The following DIAPH3 variants were observed in gnomAD, a reference collection of about 807,000 sequenced individuals.
DIAPH3 encodes protein diaphanous homolog 3.
DIAPH3 carries 117 observed loss-of-function variants against 144.3 expected under a neutral mutation model. The ratio of observed to expected loss-of-function variants is 0.81; its 90% CI spans 0.70 to 0.95. The LOEUF (loss-of-function observed/expected upper bound fraction) is 0.95. DIAPH3 is among the 40% of genes least tolerant of loss of function. The probability of loss-of-function intolerance (pLI) is 0.00; values close to 1 mark genes in which losing one functional copy is unlikely to be tolerated. For synonymous variants in DIAPH3, 519 were observed against 488.9 expected, an observed-to-expected ratio of 1.06 and a Z score of -0.81; for missense variants, 1,421 against 1,412.7, an observed-to-expected ratio of 1.01 and a Z score of -0.09.
At chr13:60,129,790 C>A (rs1239445748) in intron 2 of DIAPH3, among the ~76,000 whole-genome samples, 1 of 152,162 alleles carries the variant, frequency 6.6e-6, no homozygotes, top group Non-Finnish European at 1.5e-5. Flanking sequence ...TTGGCAAATG[C>A]TGCCCTGAGC....
In DIAPH3 at chr13:59,729,810, A is replaced by ATTTTTTTTTTTTTTTTTTTTTTTTTTT. The variant is rs59987412; in HGVS notation, c.3319+44378_3319+44379insAAAAAAAAAAAAAAAAAAAAAAAAAAA. Reference sequence around the variant, plus strand: ...TGTGACTTCCGGTGAATACATTAATATTTTTTTTTTTTTTTTTTTGAGATA... The same window carrying ATTTTTTTTTTTTTTTTTTTTTTTTTTT: ...TGTGACTTCCGGTGAATACATTAATATTTTTTTTTTTTTTTTTTTTTTTTTTTTTTTTTTTTTTTTTTTTTTGAGATA... On this transcript the variant is annotated intron_variant, in intron 27 of 27. Coordinates refer to ENST00000400324, the MANE Select transcript of DIAPH3 (RefSeq NM_001042517.2). Among the ~76,000 whole-genome samples, 57 of 134,206 alleles carry ATTTTTTTTTTTTTTTTTTTTTTTTTTT rather than the reference A, an allele frequency of 4.2e-4. 2 individuals are homozygous for ATTTTTTTTTTTTTTTTTTTTTTTTTTT. Among genetic ancestry groups the ATTTTTTTTTTTTTTTTTTTTTTTTTTT allele is most frequent in the African/African-American group, 1.7e-3 (55 of 32,604 alleles). 88.0% of individuals were successfully genotyped at this position (134,206 alleles called of 152,430 possible). A position where few individuals can be genotyped will look rare whatever the true frequency, so the allele number is the denominator to read the frequency against.
intron 7 of DIAPH3, among the ~76,000 whole-genome samples, chr13:60,011,270 C>T (rs1318914783): frequency 6.6e-6 from 1 of 152,028 alleles, no homozygotes; most frequent in Non-Finnish European, 1.5e-5. Flanking sequence ...CAGTCAGAAA[C>T]ATGGGATTTG....
chr13:60,091,993 T>G (rs774282698), intron 4 of DIAPH3, among the ~76,000 whole-genome samples: 1 of 151,828 alleles, frequency 6.6e-6, no homozygotes, highest in Non-Finnish European at 1.5e-5. Flanking sequence ...TAGTCTCTCA[T>G]CACCACATCC....
In DIAPH3 at chr13:59,916,250, C is replaced by G. The variant is rs942711094; in HGVS notation, c.2171-1G>C. On this transcript the variant is annotated splice_acceptor_variant, in intron 18 of 27. Transcript: ENST00000400324. LOFTEE classifies it high-confidence loss of function. The stretch of plus-strand genomic sequence containing the variant: ...ACCCGAAAAGAGCTCAGGAAGATTG[C>G]TAAGAAGGAGAAAGAGAGAAAGGTT... 6.2e-7 allele frequency: 1 copy of G among 1,610,886 alleles called. No individual in the cohort carries two copies. Among genetic ancestry groups the G allele is most frequent in the Non-Finnish European group, 8.5e-7 (1 of 1,177,618 alleles).
At chr13:59,671,009 A>C (rs2032344743) in intron 27 of DIAPH3, among the ~76,000 whole-genome samples, 1 of 151,978 alleles carries the variant, frequency 6.6e-6, no homozygotes, top group Non-Finnish European at 1.5e-5. Flanking sequence ...CCAGAAGTTC[A>C]CTCTTATATA....
intron 22 of DIAPH3, among the ~76,000 whole-genome samples, chr13:59,853,609 T>G (rs902490906): frequency 6.6e-6 from 1 of 152,170 alleles, no homozygotes; most frequent in African/African-American, 2.4e-5. Flanking sequence ...ATTCTTCCTG[T>G]ATAGCCTGTG....
intron 27 of DIAPH3, among the ~76,000 whole-genome samples, chr13:59,674,002 G>A (rs2032512220): frequency 6.6e-6 from 1 of 152,182 alleles, no homozygotes; most frequent in Non-Finnish European, 1.5e-5. Context: ...GTAGTAGGAA[G>A]CACTGAATTT....
intron 3 of DIAPH3, among the ~76,000 whole-genome samples, chr13:60,107,816 T>C (rs561272000): frequency 6.6e-6 from 1 of 152,336 alleles, no homozygotes; most frequent in African/African-American, 2.4e-5. Context: ...AAGTCCAGAA[T>C]TTAAATAATT....
intron 22 of DIAPH3, among the ~76,000 whole-genome samples, chr13:59,858,992 A>T (rs2043415397): frequency 6.6e-6 from 1 of 152,162 alleles, no homozygotes; most frequent in Non-Finnish European, 1.5e-5. Flanking sequence ...AATTCATGTG[A>T]TAGCTCACTG....
intron 18 of DIAPH3, among the ~76,000 whole-genome samples, chr13:59,922,299 A>T (rs2047558447): frequency 6.6e-6 from 1 of 152,076 alleles, no homozygotes; most frequent in Non-Finnish European, 1.5e-5. Flanking sequence ...TCATAAACAA[A>T]TGAAACTTAT....
At chr13:59,918,366 A>G (rs2047338387) in intron 18 of DIAPH3, among the ~76,000 whole-genome samples, 2 of 152,246 alleles carry the variant, frequency 1.3e-5, no homozygotes, top group African/African-American at 2.4e-5. Flanking sequence ...CTAAGCATCT[A>G]GACTGACACT....
At chr13:59,825,468 G>A (rs568876618) in intron 24 of DIAPH3, among the ~76,000 whole-genome samples, 19 of 152,224 alleles carry the variant, frequency 1.2e-4, no homozygotes, top group Non-Finnish European at 2.6e-4. Context: ...CCAAGTCTTT[G>A]CTATTGTGAA....
At chr13:59,744,837 T>C (rs1036224799) in intron 27 of DIAPH3, among the ~76,000 whole-genome samples, 5 of 152,154 alleles carry the variant, frequency 3.3e-5, no homozygotes, top group Non-Finnish European at 5.9e-5. Flanking sequence ...TCAGGGCGAC[T>C]GACCAAAGAT....
At chr13:60,139,053 G>C (rs2059369018) in intron 1 of DIAPH3, among the ~76,000 whole-genome samples, 1 of 152,060 alleles carries the variant, frequency 6.6e-6, no homozygotes, top group Non-Finnish European at 1.5e-5. Context: ...CAATTATAAA[G>C]ACTATGAAAA....
chr13:59,960,541 C>T (rs2049694162), intron 17 of DIAPH3, among the ~76,000 whole-genome samples: 1 of 152,156 alleles, frequency 6.6e-6, no homozygotes, highest in Admixed American at 6.6e-5. Context: ...CTTTATCTGG[C>T]ACTCTTATTT....
intron 18 of DIAPH3, among the ~76,000 whole-genome samples, chr13:59,921,051 A>G (rs1049212493): frequency 6.6e-6 from 1 of 151,734 alleles, no homozygotes; most frequent in African/African-American, 2.4e-5. Context: ...AAAATTGAAA[A>G]GGGAAACACA....
chr13:60,039,029 T>C (rs2055437465), intron 5 of DIAPH3, among the ~76,000 whole-genome samples: 1 of 152,064 alleles, frequency 6.6e-6, no homozygotes, highest in African/African-American at 2.4e-5. Flanking sequence ...TGTTCAGAAC[T>C]AGCTCAAAAC....
intron 22 of DIAPH3, among the ~76,000 whole-genome samples, chr13:59,845,733 G>C (rs1489588916): frequency 6.6e-6 from 1 of 152,180 alleles, no homozygotes; most frequent in Non-Finnish European, 1.5e-5. Context: ...ACTACAGCAA[G>C]TACACAGGTA....
At chr13:59,900,850 C>T (rs1032049421) in intron 20 of DIAPH3, among the ~76,000 whole-genome samples, 6 of 152,194 alleles carry the variant, frequency 3.9e-5, no homozygotes, top group Non-Finnish European at 7.3e-5. Context: ...CCATAATCTG[C>T]TTCTCTTGCA....
Sources: gnomAD v4.1 joint callset for allele counts (sites outside exome capture counted in the v4.1 genomes callset) on GRCh38, gnomAD v4.1.1 for gene constraint, MANE v1.5 for transcripts, NCBI Gene and HGNC (gene_info 2026-07-23, HGNC 2026-07-21) for gene names.